ADSL: variants seen among roughly 807,000 people sequenced by gnomAD.
The protein encoded by ADSL is adenylosuccinate lyase.
A neutral mutation model predicts 62.1 loss-of-function variants in ADSL; 44 were observed. The ratio of observed to expected loss-of-function variants is 0.71; its 90% CI spans 0.56 to 0.91. The LOEUF is 0.91. Ranked by LOEUF, ADSL falls within the 40% of genes least tolerant of loss-of-function variation. ADSL has a pLI of 0.00. For synonymous variants in ADSL, 198 were observed against 220.5 expected, an observed-to-expected ratio of 0.90 and a Z score of 0.90; for missense variants, 531 against 627.4, an observed-to-expected ratio of 0.85 and a Z score of 1.64.
chr22:40,362,774 C>CA (rs2044844049), intron 9 of ADSL, among the ~76,000 whole-genome samples: 2 of 152,124 alleles, frequency 1.3e-5, no homozygotes, highest in Admixed American at 1.3e-4. Flanking sequence ...GTGGACGTCT[C>CA]ACTCAGTAGG....
intron 7 of ADSL, 57 bp from the exon 8 acceptor site, chr22:40,361,216 C>T: frequency 6.5e-7 from 1 of 1,542,306 alleles, no homozygotes; most frequent in Non-Finnish European, 9.0e-7. Context: ...TCACAGCTCC[C>T]AGACTCTACT....
rs983723123 is a variant in ADSL, at chr22:40,347,839, C to T, written c.153+1128C>T. 2.0e-5 allele frequency among the ~76,000 whole-genome samples: 3 copies of T among 152,170 alleles called. No homozygotes were observed. In the South Asian group the frequency reaches 6.2e-4, roughly 31 times the overall value. ...AAGAATGAAGCATCAACTTAATAAACTCTTGGCGTAGATAGCGATAGTAGT... is the reference window on the plus strand; with the variant it reads ...AAGAATGAAGCATCAACTTAATAAATTCTTGGCGTAGATAGCGATAGTAGT... On this transcript the variant is annotated intron_variant, in intron 1 of 12. Transcript: ENST00000623063.
intron 2 of ADSL, among the ~76,000 whole-genome samples, chr22:40,374,721 A>T (rs2046263537): frequency 6.6e-6 from 1 of 152,210 alleles, no homozygotes; most frequent in African/African-American, 2.4e-5. Context: ...ATCTCGACCA[A>T]AAACATAAAA....
rs886042606 is a variant in ADSL, at chr22:40,354,335, A to G, written c.482+8A>G. 2.5e-6 allele frequency: 4 copies of G among 1,609,778 alleles called. No homozygotes were observed. In the East Asian group the frequency reaches 8.9e-5, roughly 36 times the overall value. Reference sequence around the variant, plus strand: ...AGGTTTCACACATTTCCAGTAAGTGATAAGATTACTTCTTGTTTATGTGCA... The same window carrying G: ...AGGTTTCACACATTTCCAGTAAGTGGTAAGATTACTTCTTGTTTATGTGCA... On this transcript the variant is annotated splice_region_variant and intron_variant, in intron 4 of 12. Coordinates refer to ENST00000623063, the MANE Select transcript of ADSL (RefSeq NM_000026.4).
chr22:40,365,077 T>C (rs777106694), intron 12 of ADSL, 21 bp downstream of exon 12: 2 of 1,607,384 alleles, frequency 1.2e-6, no homozygotes, highest in South Asian at 1.1e-5. Flanking sequence ...AAGAAGCCTC[T>C]TTTCTGCTGG....
chr22:40,381,140 T>C lies in ADSL; in HGVS notation c.90-9090T>C, dbSNP rs905791292. The stretch of plus-strand genomic sequence containing the variant: ...CCATCAGAAAAGAGGTACACGCTTT[T>C]CTTTTTTTTTCTTTTTCTTTTTTTT... On this transcript the variant is annotated intron_variant, in intron 2 of 2. Coordinates refer to the ADSL transcript ENST00000498234. 2.0e-5 allele frequency among the ~76,000 whole-genome samples: 3 copies of C among 152,002 alleles called. No homozygotes were observed. The East Asian group carries it at 5.8e-4, about 29-fold the overall frequency.
rs1179898265 is a variant in ADSL at position 40,377,137 on chromosome 22, A to G, written c.89+10639A>G. Among the ~76,000 whole-genome samples the G allele has an allele frequency of 2.6e-5, 4 of 152,328 alleles. No homozygotes were observed. In the East Asian group the frequency reaches 7.7e-4, roughly 29 times the overall value. On this transcript the variant is annotated intron_variant, in intron 2 of 2. Coordinates refer to the ADSL transcript ENST00000498234. Reference sequence around the variant, plus strand: ...GTTGTTTTGGCCTGTCCAGCATCCAATCCAGGTTCTTCTGGGGATAACAGC... The same window carrying G: ...GTTGTTTTGGCCTGTCCAGCATCCAGTCCAGGTTCTTCTGGGGATAACAGC...
intron 2 of ADSL, among the ~76,000 whole-genome samples, chr22:40,351,273 C>T (rs1482200495): frequency 3.3e-5 from 5 of 151,624 alleles, no homozygotes; most frequent in Non-Finnish European, 5.9e-5. Flanking sequence ...CGAGTTCAAG[C>T]GATTCTCCTG....
chr22:40,359,405 T>G, intron 6 of ADSL, 99 bp downstream of exon 6: 1 of 1,196,482 alleles, frequency 8.4e-7, no homozygotes, highest in African/African-American at 1.5e-5. Context: ...GCCTTTTTCT[T>G]CCTTTGTTCT....
chr22:40,351,387 G>C, intron 2 of ADSL, among the ~76,000 whole-genome samples: 1 of 151,888 alleles, frequency 6.6e-6, no homozygotes, highest in Admixed American at 6.6e-5. Context: ...GGCCAGCCTG[G>C]TCTCGAACTC....
At chr22:40,348,093 A>C (rs1039155691) in intron 1 of ADSL, among the ~76,000 whole-genome samples, 4 of 152,256 alleles carry the variant, frequency 2.6e-5, no homozygotes, top group African/African-American at 7.2e-5. Context: ...TAGGGTGTCA[A>C]AATTACCATA....
chr22:40,365,097 C>A (rs767374788), intron 12 of ADSL, 41 bp downstream of exon 12: 1 of 1,569,604 alleles, frequency 6.4e-7, no homozygotes, highest in Non-Finnish European at 8.8e-7. Flanking sequence ...GGCTGCAGAA[C>A]CTGGGGTACT....
At chr22:40,353,191 A>G in intron 3 of ADSL, 74 bp downstream of exon 3, 1 of 1,187,394 alleles carries the variant, frequency 8.4e-7, no homozygotes, top group Non-Finnish European at 1.3e-6. Flanking sequence ...TTACAACTAA[A>G]TCAACACAGT....
chr22:40,353,249 A>G (rs1336722951), intron 3 of ADSL, 132 bp downstream of exon 3: 4 of 747,322 alleles, frequency 5.4e-6, no homozygotes, highest in East Asian at 2.6e-5. Context: ...TGACAACCCT[A>G]TGTTTAATCT....
chr22:40,365,650 G>A (rs181637301), intron 12 of ADSL, among the ~76,000 whole-genome samples: 3 of 152,078 alleles, frequency 2.0e-5, no homozygotes, highest in African/African-American at 7.2e-5. Context: ...CAGGAGGATT[G>A]CTTGAGCTCA....
chr22:40,365,474 G>T (rs867600622), intron 12 of ADSL, among the ~76,000 whole-genome samples: 4 of 152,166 alleles, frequency 2.6e-5, no homozygotes, highest in Non-Finnish European at 4.4e-5. Flanking sequence ...TGGCTGAGAA[G>T]GTAAAAGTAA....
chr22:40,360,586 A>C, intron 7 of ADSL, 94 bp downstream of exon 7: 21 of 880,446 alleles, frequency 2.4e-5, no homozygotes, highest in Non-Finnish European at 3.6e-5. Flanking sequence ...CATCTCTCTC[A>C]AGCAATATTT....
At chr22:40,370,632 C>G (rs1328303985), downstream of ADSL, 2 of 152,482 alleles carry the variant, frequency 1.3e-5, no homozygotes, top group South Asian at 4.1e-4. Context: ...TGACTGGGTG[C>G]GAGTGGGGAA....
chr22:40,370,653 C>G (rs1046443131), downstream of ADSL: 1 of 152,394 alleles, frequency 6.6e-6, no homozygotes, highest in Non-Finnish European at 1.5e-5. Flanking sequence ...GCTGCTAACC[C>G]GACCCGGATT....
Sources: gnomAD v4.1 joint callset for allele counts (sites outside exome capture counted in the v4.1 genomes callset) on GRCh38, gnomAD v4.1.1 for gene constraint, MANE v1.5 for transcripts, NCBI Gene and HGNC (gene_info 2026-07-23, HGNC 2026-07-21) for gene names.